The following CDH7 variants were observed in gnomAD, a reference collection of about 807,000 sequenced individuals.
CDH7 encodes the protein cadherin-7.
In CDH7, 25 loss-of-function variants were observed where a neutral mutation model predicts 71.8. The observed-to-expected ratio is 0.35, with a 90% CI of 0.25 to 0.49. The LOEUF is 0.49. CDH7 is among the 20% of genes least tolerant of loss of function. CDH7 has a pLI of 0.99. For synonymous variants in CDH7, 381 were observed against 363.8 expected, an observed-to-expected ratio of 1.05 and a Z score of -0.54; for missense variants, 862 against 974.6, an observed-to-expected ratio of 0.88 and a Z score of 1.54.
intron 3 of CDH7, among the ~76,000 whole-genome samples, chr18:65,811,100 C>A (rs559180431): frequency 6.6e-6 from 1 of 151,416 alleles, no homozygotes; most frequent in Admixed American, 6.6e-5. Context: ...ATATTTATTT[C>A]CTGCTGTTTT....
intron 2 of CDH7, among the ~76,000 whole-genome samples, chr18:65,781,779 C>T (rs200405704): frequency 0.097 from 6,062 of 62,600 alleles, 1,189 homozygotes; most frequent in African/African-American, 0.24. Flanking sequence ...TCCTTCCTTC[C>T]TTCCTTCCTT....
chr18:65,775,685 T>A (rs1909912515), intron 2 of CDH7, among the ~76,000 whole-genome samples: 1 of 152,142 alleles, frequency 6.6e-6, no homozygotes, highest in Non-Finnish European at 1.5e-5. Context: ...ACACAGTGTT[T>A]TAAGAAAGTT....
intron 10 of CDH7, among the ~76,000 whole-genome samples, chr18:65,861,852 C>T (rs907621966): frequency 2.0e-4 from 29 of 146,236 alleles, no homozygotes; most frequent in African/African-American, 6.6e-4. Context: ...TTCTTCTTTT[C>T]CTTTATATTT....
chr18:65,810,070 CATT>C, intron 3 of CDH7, 72 bp downstream of exon 3: 1 of 1,175,754 alleles, frequency 8.5e-7, no homozygotes, highest in Admixed American at 2.6e-5. Context: ...ATTAAATCAT[CATT>C]AAGTACTGAA....
chr18:65,790,934 GTATGAAATTCC>G (rs1301766783), intron 2 of CDH7, among the ~76,000 whole-genome samples: 1 of 152,158 alleles, frequency 6.6e-6, no homozygotes, highest in Non-Finnish European at 1.5e-5. Flanking sequence ...ACCCACTAAA[GTATGAAATTCC>G]TATGAACAGT....
At chr18:65,766,702 A>G (rs1042151242) in intron 2 of CDH7, among the ~76,000 whole-genome samples, 1 of 151,664 alleles carries the variant, frequency 6.6e-6, no homozygotes, top group Admixed American at 6.6e-5. Flanking sequence ...TTATATGGGG[A>G]GAAGGAAGGG....
rs756859953 is a variant in CDH7 at position 65,824,761 on chromosome 18, G to A, written c.911G>A (p.Gly304Asp). 3.7e-6 allele frequency: 6 copies of A among 1,612,666 alleles called. No individual in the cohort carries two copies. In the South Asian group the frequency reaches 6.6e-5, roughly 18 times the overall value. Residue 304 changes from glycine (G) to aspartate (D), a missense_variant, in exon 6 of 12, where the codon GGT becomes GAT. Coordinates refer to ENST00000397968, the MANE Select transcript of CDH7 (RefSeq NM_004361.5). The stretch of plus-strand genomic sequence containing the variant: ...GAAATGGAGTACAAGATTGTGGATG[G>A]TGATGGTTTGGGCATTTTTAAGATT... ...NAEMEYKIVD[G>D]DGLGIFKISV...
At chr18:65,768,674 G>A (rs1414609204) in intron 2 of CDH7, among the ~76,000 whole-genome samples, 5 of 152,252 alleles carry the variant, frequency 3.3e-5, no homozygotes, top group South Asian at 2.1e-4. Context: ...GCAGCCCTCC[G>A]TGACTCACCA....
chr18:65,796,752 T>C (rs1381605852), intron 2 of CDH7, among the ~76,000 whole-genome samples: 1 of 152,118 alleles, frequency 6.6e-6, no homozygotes, highest in Non-Finnish European at 1.5e-5. Context: ...TTGAAGCAGT[T>C]TTAATATCAT....
At chr18:65,802,956 G>A (rs1911179389) in intron 2 of CDH7, among the ~76,000 whole-genome samples, 2 of 152,144 alleles carry the variant, frequency 1.3e-5, no homozygotes, top group Admixed American at 1.3e-4. Context: ...TGGTTCCAAG[G>A]CAGGACTGTT....
At position 65,886,888 on chromosome 18, in the gene CDH7, A is replaced by G. The variant is rs920724486; in HGVS notation, c.*5994A>G. 2.0e-5 allele frequency: 3 copies of G among 152,164 alleles called. No homozygotes were observed. The highest frequency in any genetic ancestry group is 7.2e-5 in the African/African-American group (3 of 41,442). The allele number at this position is 152,164 out of a possible 1,614,324, so 9.4% of individuals were successfully genotyped here. A position where few individuals can be genotyped will look rare whatever the true frequency, so the allele number is the denominator to read the frequency against. ...AGAAACTCTAGGAAACTAAAAAATA[A>G]TATATAATGGATATTACTTTTTGTC... On this transcript the variant is annotated 3_prime_UTR_variant, in exon 12 of 12. Coordinates refer to ENST00000397968, the MANE Select transcript of CDH7 (RefSeq NM_004361.5).
chr18:65,880,854 C>G lies in CDH7; in HGVS notation c.2318C>G (p.Ala773Gly). ...SDWGPRFKRL[A>G]DMYGTGQESL... ...TGGGGACCTCGCTTTAAACGACTCG[C>G]GGACATGTATGGGACTGGCCAAGAG... Residue 773 changes from alanine (A) to glycine (G), a missense_variant, in exon 12 of 12, where the codon GCG (alanine) becomes GGG (glycine). By Grantham distance (60) the Ala-to-Gly change is moderately conservative (BLOSUM62 0). Coordinates refer to ENST00000397968, the MANE Select transcript of CDH7 (RefSeq NM_004361.5). The G allele has an allele frequency of 1.9e-6, 3 of 1,613,928 alleles. No homozygotes were observed. Among genetic ancestry groups the G allele is most frequent in the Non-Finnish European group, 2.5e-6 (3 of 1,179,964 alleles).
chr18:65,779,858 A>C (rs1421119089), intron 2 of CDH7, among the ~76,000 whole-genome samples: 6 of 70,074 alleles, frequency 8.6e-5, no homozygotes, highest in East Asian at 3.8e-4. Flanking sequence ...TTCTAGTTCT[A>C]GATCCCTGAG....
chr18:65,845,865 G>A (rs1440837477), intron 7 of CDH7, among the ~76,000 whole-genome samples: 1 of 151,962 alleles, frequency 6.6e-6, no homozygotes, highest in African/African-American at 2.4e-5. Flanking sequence ...CTAGACTGCA[G>A]TGAGCTACAA....
In CDH7 at chr18:65,751,158, T is replaced by G. The variant is rs1255750016; in HGVS notation, c.-197+8T>G. 6.6e-6 allele frequency: 1 copy of G among 152,374 alleles called. No homozygotes were observed. The highest frequency in any genetic ancestry group is 1.5e-5 in the Non-Finnish European group (1 of 68,186). 9.4% of individuals were successfully genotyped at this position (152,374 alleles called of 1,614,324 possible). A position where few individuals can be genotyped will look rare whatever the true frequency, so the allele number is the denominator to read the frequency against. ...AGGGCAGCGAGGCCCCAGGTGAGTG[T>G]GTCTGCCTGCGCGGGGCTGGGGAGG... On this transcript the variant is annotated splice_region_variant and intron_variant, in intron 1 of 11. Coordinates refer to ENST00000397968, the MANE Select transcript of CDH7 (RefSeq NM_004361.5).
chr18:65,792,962 A>G (rs1910767080), intron 2 of CDH7, among the ~76,000 whole-genome samples: 1 of 152,052 alleles, frequency 6.6e-6, no homozygotes, highest in Admixed American at 6.6e-5. Context: ...TGGAGGGTTT[A>G]ATGTATTTTC....
intron 7 of CDH7, among the ~76,000 whole-genome samples, chr18:65,849,713 C>T (rs938003102): frequency 6.6e-6 from 1 of 151,862 alleles, no homozygotes; most frequent in South Asian, 2.1e-4. Flanking sequence ...ACCCCCGGCC[C>T]ATTTTTTCAT....
intron 4 of CDH7, 90 bp from the exon 5 acceptor site, chr18:65,821,991 C>T (rs1911946464): frequency 2.0e-6 from 2 of 1,001,032 alleles, no homozygotes; most frequent in Admixed American, 3.8e-5. Context: ...GGCAACAACT[C>T]AAGAGGGACT....
intron 3 of CDH7, among the ~76,000 whole-genome samples, chr18:65,813,695 GTC>G (rs1258660761): frequency 6.6e-6 from 1 of 151,720 alleles, no homozygotes; most frequent in African/African-American, 2.4e-5. Context: ...GTAAACATGA[GTC>G]TCTCTAATAT....
Sources: allele counts gnomAD v4.1 joint callset (sites outside exome capture counted in the v4.1 genomes callset), GRCh38; gene constraint gnomAD v4.1.1; transcripts MANE v1.5; gene names NCBI Gene and HGNC (gene_info 2026-07-23, HGNC 2026-07-21).